The following FBN1 variants were observed in gnomAD, a reference collection of about 807,000 sequenced individuals.
The protein encoded by FBN1 is fibrillin 1, also known as fibrillin-1.
Under a neutral mutation model 365.1 loss-of-function variants are expected in FBN1, and 29 were observed. The observed-to-expected ratio is 0.08, with a 90% CI of 0.06 to 0.11. The LOEUF (loss-of-function observed/expected upper bound fraction) is 0.11. FBN1 is among the 10% of genes least tolerant of loss of function. The pLI is 1.00. For synonymous variants in FBN1, 1,210 were observed against 1,270.5 expected (o/e 0.95, Z 1.01); for missense variants, 2,476 against 3,703.2 (o/e 0.67, Z 8.60).
At chr15:48,411,873 G>A (rs537072914) in intron 65 of FBN1, among the ~76,000 whole-genome samples, 1 of 152,354 alleles carries the variant, frequency 6.6e-6, no homozygotes, top group South Asian at 2.1e-4. Flanking sequence ...GCACCAATAC[G>A]AAGAACCAGA....
intron 40 of FBN1, among the ~76,000 whole-genome samples, chr15:48,464,645 T>G (rs762779318): frequency 3.0e-4 from 46 of 152,214 alleles, no homozygotes; most frequent in Non-Finnish European, 5.9e-4. Context: ...TAGGCAGAGA[T>G]AGAAATGTGG....
At position 48,409,401 on chromosome 15, in the gene FBN1, T is replaced by G. The variant is rs1292590596; in HGVS notation, c.*1589A>C. 2 of 152,216 alleles carry G rather than the reference T, an allele frequency of 1.3e-5. No homozygotes were observed. The highest frequency in any genetic ancestry group is 4.8e-5 in the African/African-American group (2 of 41,464). The allele number at this position is 152,216 out of a possible 1,614,324, so 9.4% of individuals were successfully genotyped here. A position where few individuals can be genotyped will look rare whatever the true frequency, so the allele number is the denominator to read the frequency against. On this transcript the variant is annotated 3_prime_UTR_variant, in exon 66 of 66. Transcript: ENST00000316623. Reference sequence around the variant, plus strand: ...TGAGAGCACTTTCCTGTGTCCTACCTAGTTTCTCCGCCCACCACCTTCATG... The same window carrying G: ...TGAGAGCACTTTCCTGTGTCCTACCGAGTTTCTCCGCCCACCACCTTCATG...
chr15:48,469,646 T>C (rs142589859), intron 36 of FBN1, among the ~76,000 whole-genome samples: 1 of 152,272 alleles, frequency 6.6e-6, no homozygotes, highest in East Asian at 1.9e-4. Context: ...CGGGTTGCGC[T>C]GCAGATGATT....
intron 29 of FBN1, 45 bp from the exon 30 acceptor site, chr15:48,485,541 G>A (rs1399343587): frequency 1.2e-6 from 2 of 1,606,668 alleles, no homozygotes. Flanking sequence ...TGGTTTGGAT[G>A]TCTGTCCCCT....
intron 6 of FBN1, among the ~76,000 whole-genome samples, chr15:48,541,538 T>C (rs1489051790): frequency 1.3e-5 from 2 of 152,336 alleles, no homozygotes; most frequent in African/African-American, 4.8e-5. Flanking sequence ...TTTTCAAATG[T>C]CATTCCGATT....
At chr15:48,433,944 C>T (rs551327456) in intron 54 of FBN1, among the ~76,000 whole-genome samples, 1 of 152,158 alleles carries the variant, frequency 6.6e-6, no homozygotes, top group Non-Finnish European at 1.5e-5. Context: ...ACCCCACTCT[C>T]GGAGTTTCTG....
chr15:48,423,667 C>T (rs1038662581), intron 60 of FBN1, among the ~76,000 whole-genome samples: 3 of 152,202 alleles, frequency 2.0e-5, no homozygotes, highest in African/African-American at 7.2e-5. Context: ...TCCTCTTCTC[C>T]CCTCTAATCT....
At chr15:48,541,909 C>T (rs971238031) in intron 6 of FBN1, among the ~76,000 whole-genome samples, 1 of 152,100 alleles carries the variant, frequency 6.6e-6, no homozygotes, top group Non-Finnish European at 1.5e-5. Context: ...CTTATAAGAC[C>T]TTCATGAACT....
At position 48,645,599 on chromosome 15, in the gene FBN1, C is replaced by CGAG. The variant is rs899115980; in HGVS notation, c.-209_-207dup. 3 of 152,402 alleles carry CGAG rather than the reference C, an allele frequency of 2.0e-5. No individual in the cohort carries two copies. Among genetic ancestry groups the CGAG allele is most frequent in the African/African-American group, 7.2e-5 (3 of 41,454 alleles). The allele number at this position is 152,402 out of a possible 1,614,324, so 9.4% of individuals were successfully genotyped here. ...CTGGAGAAGCGGCGGCTCCGACTCC[C>CGAG]GAGGAGGCGGCGGCGGCTGCTCCCA... On this transcript the variant is annotated 5_prime_UTR_variant, in exon 1 of 66. Transcript: ENST00000316623.
At chr15:48,644,454 G>T in intron 2 of FBN1, 152 bp downstream of exon 2, 1 of 1,012,468 alleles carries the variant, frequency 9.9e-7, no homozygotes, top group Non-Finnish European at 1.5e-6. Flanking sequence ...GTTTAACCAC[G>T]AACGGGGTGG....
chr15:48,558,212 T>C (rs2044196862), intron 6 of FBN1, among the ~76,000 whole-genome samples: 1 of 152,338 alleles, frequency 6.6e-6, no homozygotes, highest in Admixed American at 6.5e-5. Context: ...CCTTCAGCCA[T>C]TTCCTATCCC....
At chr15:48,486,764 T>G (rs1361972556) in intron 29 of FBN1, among the ~76,000 whole-genome samples, 2 of 152,210 alleles carry the variant, frequency 1.3e-5, no homozygotes, top group African/African-American at 4.8e-5. Flanking sequence ...ACAAAGCACA[T>G]GCTGCTACTG....
intron 2 of FBN1, among the ~76,000 whole-genome samples, chr15:48,617,235 T>C (rs563737916): frequency 1.4e-3 from 213 of 152,176 alleles, no homozygotes; most frequent in African/African-American, 5.0e-3. Context: ...AGTGCAACAG[T>C]GCGATCTCGG....
At chr15:48,470,536 G>A in intron 36 of FBN1, 98 bp downstream of exon 36, 3 of 1,535,928 alleles carry the variant, frequency 2.0e-6, no homozygotes, top group Non-Finnish European at 2.7e-6. Flanking sequence ...TGCTTTTCTT[G>A]TCTTCTGTGA....
rs1213208601 is a variant in FBN1 at position 48,516,295 on chromosome 15, G to T, written c.1215C>A (p.Pro405=). Residue 405 remains proline (P), a synonymous_variant, in exon 11 of 66, where the codon CCC becomes CCA. Transcript: ENST00000316623. ...GGAGAACTGGAGGAATGGGGCCAAGGGGTGGGGGAGGATATTCTGGTCTCC... is the reference window on the plus strand; with the variant it reads ...GGAGAACTGGAGGAATGGGGCCAAGTGGTGGGGGAGGATATTCTGGTCTCC... ...IPGRPEYPPP[P]LGPIPPVLPV... is the part of the protein sequence containing the mutation. 6 of 1,613,818 alleles carry T rather than the reference G, an allele frequency of 3.7e-6. No homozygotes were observed. The Admixed American group carries it at 1.0e-4, about 27-fold the overall frequency.
chr15:48,501,108 C>T (rs748449998), intron 17 of FBN1, among the ~76,000 whole-genome samples: 3 of 152,092 alleles, frequency 2.0e-5, no homozygotes, highest in African/African-American at 7.2e-5. Context: ...TTAGTGGAAC[C>T]GGGCCTTACA....
intron 2 of FBN1, among the ~76,000 whole-genome samples, chr15:48,639,616 T>C (rs902758021): frequency 6.6e-6 from 1 of 152,154 alleles, no homozygotes; most frequent in Admixed American, 6.5e-5. Context: ...AGTGGTAAAA[T>C]GCTTATAATA....
intron 6 of FBN1, among the ~76,000 whole-genome samples, chr15:48,594,063 C>G (rs1172024495): frequency 6.6e-6 from 1 of 152,166 alleles, no homozygotes; most frequent in African/African-American, 2.4e-5. Context: ...TTATTCATCA[C>G]TCTTGAAATC....
At chr15:48,613,211 T>C in intron 2 of FBN1, 119 bp from the exon 3 acceptor site, 1 of 755,868 alleles carries the variant, frequency 1.3e-6, no homozygotes, top group South Asian at 1.5e-5. Flanking sequence ...GGCAGACAGA[T>C]AAAGCAAACT....
Sources: allele counts gnomAD v4.1 joint callset (sites outside exome capture counted in the v4.1 genomes callset), GRCh38; gene constraint gnomAD v4.1.1; transcripts MANE v1.5; gene names NCBI Gene and HGNC (gene_info 2026-07-23, HGNC 2026-07-21).